ARB2A: variants seen among roughly 807,000 people sequenced by gnomAD.
ARB2A encodes the protein cotranscriptional regulator ARB2A.
chr5:93,742,466 C>G, the ARB2A span, among the ~76,000 whole-genome samples: 1 of 152,198 alleles, frequency 6.6e-6, no homozygotes, highest in Non-Finnish European at 1.5e-5. Context: ...CTTAATTTGT[C>G]CCTCCATCAT....
At chr5:93,965,923 A>G in the ARB2A span, among the ~76,000 whole-genome samples, 4 of 152,048 alleles carry the variant, frequency 2.6e-5, no homozygotes, top group African/African-American at 9.7e-5. Context: ...GAACAGCTTT[A>G]TCTTGGCTGG....
the ARB2A span, among the ~76,000 whole-genome samples, chr5:94,047,093 T>C: frequency 6.6e-6 from 1 of 152,198 alleles, no homozygotes; most frequent in African/African-American, 2.4e-5. Context: ...CTGAGTTTTA[T>C]GTTAGGAAAA....
chr5:93,927,888 C>T, the ARB2A span, among the ~76,000 whole-genome samples: 2 of 151,824 alleles, frequency 1.3e-5, no homozygotes, highest in Non-Finnish European at 2.9e-5. Flanking sequence ...TACTGATATC[C>T]AATTATCAAA....
chr5:93,979,667 G>A, the ARB2A span, among the ~76,000 whole-genome samples: 1 of 151,958 alleles, frequency 6.6e-6, no homozygotes, highest in African/African-American at 2.4e-5. Flanking sequence ...TTAAAATTTT[G>A]TTTTGTTGTT....
At chr5:93,841,904 G>A in the ARB2A span, among the ~76,000 whole-genome samples, 1 of 152,136 alleles carries the variant, frequency 6.6e-6, no homozygotes, top group Admixed American at 6.6e-5. Flanking sequence ...GAAGGAGTCT[G>A]TTTTCTGAAA....
At chr5:93,734,667 T>G in the ARB2A span, 1 of 152,182 alleles carries the variant, frequency 6.6e-6, no homozygotes, top group African/African-American at 2.4e-5. Context: ...ATTTTTAAAA[T>G]TAAGGCAGGG....
At chr5:93,723,029 T>C in the ARB2A span, among the ~76,000 whole-genome samples, 3 of 152,130 alleles carry the variant, frequency 2.0e-5, no homozygotes, top group African/African-American at 4.8e-5. Context: ...AACCATAATC[T>C]TTCATTTACA....
chr5:93,882,470 G>A, the ARB2A span, among the ~76,000 whole-genome samples: 29 of 149,810 alleles, frequency 1.9e-4, no homozygotes, highest in African/African-American at 6.1e-4. Context: ...AGCTTGTTGA[G>A]CTATTAAGGC....
At chr5:93,948,650 G>A in the ARB2A span, among the ~76,000 whole-genome samples, 2 of 152,108 alleles carry the variant, frequency 1.3e-5, no homozygotes, top group South Asian at 2.1e-4. Context: ...TAGGTCTAAC[G>A]TTTAAGTCTT....
At chr5:94,021,272 G>T in the ARB2A span, among the ~76,000 whole-genome samples, 1 of 152,154 alleles carries the variant, frequency 6.6e-6, no homozygotes, top group South Asian at 2.1e-4. Context: ...TTCACAAGCA[G>T]ATAGCCTCCC....
the ARB2A span, among the ~76,000 whole-genome samples, chr5:93,674,810 G>T: frequency 6.6e-6 from 1 of 152,094 alleles, no homozygotes; most frequent in Non-Finnish European, 1.5e-5. Flanking sequence ...GTAACATGTT[G>T]CTGAATGTTC....
At chr5:93,854,712 T>C in the ARB2A span, among the ~76,000 whole-genome samples, 1 of 152,240 alleles carries the variant, frequency 6.6e-6, no homozygotes, top group South Asian at 2.1e-4. Context: ...TTTCGTTTTA[T>C]GTACCCAGTA....
At chr5:93,809,275 G>A in the ARB2A span, among the ~76,000 whole-genome samples, 11 of 151,962 alleles carry the variant, frequency 7.2e-5, no homozygotes, top group African/African-American at 2.2e-4. Context: ...ACGATATATC[G>A]GTACTATGCT....
the ARB2A span, among the ~76,000 whole-genome samples, chr5:93,800,558 T>C: frequency 3.3e-5 from 5 of 151,972 alleles, no homozygotes; most frequent in Non-Finnish European, 5.9e-5. Flanking sequence ...CTTTCTACAT[T>C]TGGAAGATGG....
chr5:93,736,426 A>C, the ARB2A span: 1 of 152,348 alleles, frequency 6.6e-6, no homozygotes, highest in Admixed American at 6.5e-5. Flanking sequence ...CCAAAAGTTC[A>C]TTCCTGAAAG....
At chr5:93,735,913 G>A in the ARB2A span, 2 of 151,936 alleles carry the variant, frequency 1.3e-5, no homozygotes, top group East Asian at 3.9e-4. Flanking sequence ...TGATGTTGTG[G>A]ATTCACTGTA....
the ARB2A span, among the ~76,000 whole-genome samples, chr5:93,646,796 A>T: frequency 6.6e-6 from 1 of 152,104 alleles, no homozygotes; most frequent in Non-Finnish European, 1.5e-5. Flanking sequence ...TATTCTAAGA[A>T]AACAAACCCA....
the ARB2A span, among the ~76,000 whole-genome samples, chr5:93,764,404 G>A: frequency 6.6e-6 from 1 of 152,166 alleles, no homozygotes; most frequent in African/African-American, 2.4e-5. Flanking sequence ...ACTACCATCA[G>A]AGAATACTAT....
the ARB2A span, among the ~76,000 whole-genome samples, chr5:93,672,371 G>A: frequency 1.3e-5 from 2 of 151,352 alleles, no homozygotes; most frequent in Non-Finnish European, 2.9e-5. Context: ...GTGCAATGGC[G>A]CCATCTTGGC....
Sources: allele counts gnomAD v4.1 joint callset (sites outside exome capture counted in the v4.1 genomes callset), GRCh38; gene constraint gnomAD v4.1.1; transcripts MANE v1.5; gene names NCBI Gene and HGNC (gene_info 2026-07-23, HGNC 2026-07-21).